Variants in FARP1 observed in about 807,000 individuals in gnomAD.
FARP1 encodes the protein FERM, ARH/RhoGEF and pleckstrin domain protein 1.
In FARP1, 52 loss-of-function variants were observed where a neutral mutation model predicts 128.8. That is an observed-to-expected ratio of 0.40 (90% confidence interval 0.32 to 0.51). The LOEUF is 0.51. FARP1 is among the 20% of genes least tolerant of loss of function. The probability of loss-of-function intolerance (pLI) is 0.45; values close to 1 mark genes in which losing one functional copy is unlikely to be tolerated. For missense variants in FARP1, 1,333 were observed against 1,367.9 expected (o/e 0.97, Z 0.40); for synonymous variants, 580 against 551.8 (o/e 1.05, Z -0.72).
chr13:98,252,054 G>A (rs375821958), intron 2 of FARP1, among the ~76,000 whole-genome samples: 1 of 152,216 alleles, frequency 6.6e-6, no homozygotes, highest in South Asian at 2.1e-4. Flanking sequence ...CACTATGTTG[G>A]CCAACCTGGT....
chr13:98,318,689 G>T (rs1469034356), intron 2 of FARP1, among the ~76,000 whole-genome samples: 3 of 152,144 alleles, frequency 2.0e-5, no homozygotes, highest in Non-Finnish European at 2.9e-5. Context: ...AGAGCTGGTT[G>T]CCCAGACTGC....
chr13:98,204,772 C>A (rs1019805685), intron 1 of FARP1, among the ~76,000 whole-genome samples: 1 of 152,074 alleles, frequency 6.6e-6, no homozygotes, highest in African/African-American at 2.4e-5. Context: ...CTAGCCTGGG[C>A]AACATAGCAA....
intron 18 of FARP1, chr13:98,433,265 A>C (rs897233281): frequency 1.3e-5 from 2 of 152,212 alleles, no homozygotes; most frequent in Admixed American, 6.5e-5. Context: ...TGTTCTAGAA[A>C]AACCGTTGTT....
chr13:98,296,637 G>A (rs1885709827), intron 2 of FARP1, among the ~76,000 whole-genome samples: 1 of 150,908 alleles, frequency 6.6e-6, no homozygotes, highest in South Asian at 2.1e-4. Flanking sequence ...AGCCACATTA[G>A]AGTACTTGTA....
intron 5 of FARP1, among the ~76,000 whole-genome samples, 168 bp downstream of exon 5, chr13:98,368,363 G>T (rs1222331191): frequency 2.6e-5 from 4 of 152,192 alleles, no homozygotes; most frequent in Non-Finnish European, 5.9e-5. Flanking sequence ...TTACAAAAAT[G>T]GGGGGAGAAG....
In FARP1 at chr13:98,452,193, C is replaced by CA. The variant is rs1893231010; in HGVS notation, c.*3877dup. 2 of 152,194 alleles carry CA rather than the reference C, an allele frequency of 1.3e-5. No homozygotes were observed. Among genetic ancestry groups the CA allele is most frequent in the South Asian group, 4.1e-4 (2 of 4,830 alleles). The allele number at this position is 152,194 out of a possible 1,614,324, so 9.4% of individuals were successfully genotyped here. A position where few individuals can be genotyped will look rare whatever the true frequency, so the allele number is the denominator to read the frequency against. ...TATAAAATTTATTTGTGTAAGCATT[C>CA]AGACATTTTTAGGTGGGAAAGATGA... On this transcript the variant is annotated 3_prime_UTR_variant, in exon 27 of 27. Transcript: ENST00000319562.
chr13:98,363,614 C>G (rs1888963109), intron 3 of FARP1, among the ~76,000 whole-genome samples: 1 of 152,170 alleles, frequency 6.6e-6, no homozygotes, highest in African/African-American at 2.4e-5. Flanking sequence ...CCAGACCGCT[C>G]CTATAATTAA....
At chr13:98,438,947 G>A (rs1335786957) in intron 20 of FARP1, 75 bp downstream of exon 20, 18 of 1,537,570 alleles carry the variant, frequency 1.2e-5, no homozygotes, top group Non-Finnish European at 9.0e-7. Context: ...GCCGGACCTC[G>A]GCCACCCAAG....
intron 8 of FARP1, among the ~76,000 whole-genome samples, chr13:98,387,910 C>T (rs1413451067): frequency 1.3e-5 from 2 of 152,192 alleles, no homozygotes; most frequent in Non-Finnish European, 2.9e-5. Flanking sequence ...CCACATTAAA[C>T]GTGTCATTTG....
At chr13:98,275,009 A>G (rs900562341) in intron 2 of FARP1, among the ~76,000 whole-genome samples, 2 of 152,210 alleles carry the variant, frequency 1.3e-5, no homozygotes, top group Non-Finnish European at 1.5e-5. Flanking sequence ...CAGCCATGCA[A>G]TACTGTATTC....
chr13:98,184,403 C>T (rs1166217382), intron 1 of FARP1, among the ~76,000 whole-genome samples: 6 of 152,196 alleles, frequency 3.9e-5, no homozygotes, highest in Admixed American at 6.5e-5. Flanking sequence ...TGAGCCACCA[C>T]GCCCGGCTGC....
intron 16 of FARP1, among the ~76,000 whole-genome samples, chr13:98,418,783 GCTCTT>G: frequency 6.6e-6 from 1 of 152,296 alleles, no homozygotes; most frequent in East Asian, 1.9e-4. Flanking sequence ...GTCTGACACA[GCTCTT>G]CTCTTCTACT....
intron 26 of FARP1, 55 bp from the exon 27 acceptor site, chr13:98,448,181 G>A: frequency 2.1e-6 from 3 of 1,443,442 alleles, no homozygotes. Flanking sequence ...GCCCACCAAA[G>A]TGTCAGGAGT....
Position 98,204,253 on chromosome 13 carries a change from A to G in FARP1, c.-23-8967A>G, listed in dbSNP as rs375240824. On this transcript the variant is annotated intron_variant, in intron 1 of 26. Transcript: ENST00000319562. ...CTGTCTTTTTTGTTATAACCATTAC[A>G]GTGGGTGTGAAATATCTTATTGTGT... 2.4e-4 allele frequency: 37 copies of G among 152,324 alleles called. 1 individual carries two copies. Among genetic ancestry groups the G allele is most frequent in the African/African-American group, 8.9e-4 (37 of 41,564 alleles). 9.4% of individuals were successfully genotyped at this position (152,324 alleles called of 1,614,324 possible). A position where few individuals can be genotyped will look rare whatever the true frequency, so the allele number is the denominator to read the frequency against.
intron 2 of FARP1, among the ~76,000 whole-genome samples, chr13:98,322,550 T>C (rs765866163): frequency 3.5e-5 from 3 of 84,738 alleles, no homozygotes; most frequent in Non-Finnish European, 8.9e-5. Flanking sequence ...TTGTCAGTGC[T>C]CCTTAGCCGT....
rs144535978 is a variant in FARP1 at position 98,440,673 on chromosome 13, C to G, written c.2633C>G (p.Ser878Cys). Residue 878 changes from serine to cysteine, a missense_variant, in exon 24 of 27, where the codon TCC becomes TGC. Physicochemically the swap from Ser to Cys is moderately radical, Grantham distance 112. Around this residue, in one of 2 missense-constraint regions of FARP1, gnomAD observed 1,009 missense variants for 969.8 expected, o/e 1.04. Transcript: ENST00000319562. ...TGCCTTTTGCCCCATCCTGTAGAGT[C>G]CCCTGATGAAGCCACCGCGGCTGAC... ...FLASSPPDNK[S>C]PDEATAADQE... 6.2e-7 allele frequency: 1 copy of G among 1,612,166 alleles called. No homozygotes were observed. The highest frequency in any genetic ancestry group is 1.7e-5 in the Admixed American group (1 of 59,642).
At chr13:98,433,455 G>A (rs764151248) in intron 18 of FARP1, 1 of 152,216 alleles carries the variant, frequency 6.6e-6, no homozygotes, top group African/African-American at 2.4e-5. Flanking sequence ...CTGGCCAGGG[G>A]TGGTGGCTCA....
intron 3 of FARP1, among the ~76,000 whole-genome samples, chr13:98,360,642 A>T (rs1431303779): frequency 1.3e-5 from 2 of 152,208 alleles, no homozygotes; most frequent in Non-Finnish European, 2.9e-5. Flanking sequence ...AGTCTGTGGT[A>T]CTTCGTTATG....
At chr13:98,244,575 C>T in intron 2 of FARP1, 2 of 1,614,196 alleles carry the variant, frequency 1.2e-6, no homozygotes, top group South Asian at 2.2e-5. Flanking sequence ...GCCCAAGCAC[C>T]ATTCACATCT....
Sources: allele counts gnomAD v4.1 joint callset (sites outside exome capture counted in the v4.1 genomes callset), GRCh38; gene constraint gnomAD v4.1.1; regional missense constraint gnomAD v4.1.1; transcripts MANE v1.5; gene names NCBI Gene and HGNC (gene_info 2026-07-23, HGNC 2026-07-21).